CSMD1: variants seen among roughly 807,000 people sequenced by gnomAD.
CSMD1 encodes the protein CUB and sushi domain-containing protein 1.
A neutral mutation model predicts 417.5 loss-of-function variants in CSMD1; 213 were observed. That is an observed-to-expected ratio of 0.51 (90% CI 0.46 to 0.57). The LOEUF (loss-of-function observed/expected upper bound fraction) is 0.57, where lower values mean the gene tolerates loss of function less well. Ranked by LOEUF, CSMD1 falls within the 20% of genes least tolerant of loss-of-function variation. The pLI, the probability that CSMD1 is intolerant of heterozygous loss-of-function variation, is 0.00. For missense variants in CSMD1, 6,923 were observed against 4,529.7 expected, an observed-to-expected ratio of 1.53 and a Z score of -15.17; for synonymous variants, 2,862 against 1,736.8, an observed-to-expected ratio of 1.65 and a Z score of -16.11.
intron 3 of CSMD1, among the ~76,000 whole-genome samples, chr8:4,304,602 T>C (rs977365): frequency 0.76 from 115,495 of 151,966 alleles, 43,981 homozygotes; most frequent in East Asian, 0.85. Context: ...TCCTCTTTAA[T>C]ATTTCCTCAT....
intron 7 of CSMD1, among the ~76,000 whole-genome samples, chr8:3,663,041 G>T (rs76689476): frequency 0.016 from 2,463 of 152,192 alleles, 33 homozygotes; most frequent in Non-Finnish European, 0.026. Context: ...CATTTGTCTG[G>T]CAGTGGGAAT....
intron 30 of CSMD1, among the ~76,000 whole-genome samples, chr8:3,207,558 G>C (rs1254170661): frequency 6.6e-6 from 1 of 152,124 alleles, no homozygotes; most frequent in Non-Finnish European, 1.5e-5. Context: ...CATTTTCCAT[G>C]ATGAATTAAG....
At chr8:4,181,861 T>C (rs751670327) in intron 3 of CSMD1, among the ~76,000 whole-genome samples, 1 of 152,180 alleles carries the variant, frequency 6.6e-6, no homozygotes, top group Non-Finnish European at 1.5e-5. Context: ...AATTCTCCTT[T>C]AGCCTAGTTG....
intron 3 of CSMD1, among the ~76,000 whole-genome samples, chr8:4,056,870 AT>A (rs759169614): frequency 1.7e-4 from 26 of 152,158 alleles, no homozygotes; most frequent in Non-Finnish European, 3.1e-4. Context: ...TGAAGTCATC[AT>A]TTTTTATGGC....
chr8:4,178,517 G>A (rs1300327172), intron 3 of CSMD1, among the ~76,000 whole-genome samples: 9 of 150,756 alleles, frequency 6.0e-5, no homozygotes, highest in Admixed American at 1.3e-4. Context: ...TTGAAAACTG[G>A]CACAAGACAG....
chr8:3,648,415 G>A (rs964216424), intron 7 of CSMD1, among the ~76,000 whole-genome samples: 2 of 152,152 alleles, frequency 1.3e-5, no homozygotes, highest in Non-Finnish European at 2.9e-5. Flanking sequence ...CTGCACTAAT[G>A]ATGCAACTCA....
chr8:4,092,522 A>C (rs1188408036), intron 3 of CSMD1, among the ~76,000 whole-genome samples: 1 of 152,244 alleles, frequency 6.6e-6, no homozygotes, highest in African/African-American at 2.4e-5. Flanking sequence ...TATTTAAAAA[A>C]AGAATAGAAG....
chr8:3,698,646 G>C (rs1019265039), intron 7 of CSMD1, among the ~76,000 whole-genome samples: 2 of 152,158 alleles, frequency 1.3e-5, no homozygotes, highest in East Asian at 1.9e-4. Flanking sequence ...CTGATGATGA[G>C]AGGCATTTCT....
intron 20 of CSMD1, among the ~76,000 whole-genome samples, chr8:3,359,853 T>A (rs1321502081): frequency 2.6e-5 from 4 of 152,182 alleles, no homozygotes; most frequent in Non-Finnish European, 5.9e-5. Context: ...AAATATCACA[T>A]GCACCCCATA....
intron 3 of CSMD1, among the ~76,000 whole-genome samples, chr8:4,133,940 C>A (rs1166954066): frequency 6.6e-6 from 1 of 152,088 alleles, no homozygotes; most frequent in East Asian, 1.9e-4. Context: ...TTGATGTTTT[C>A]TTTTTCAGGT....
intron 5 of CSMD1, among the ~76,000 whole-genome samples, chr8:3,944,383 C>G (rs1161133568): frequency 6.6e-6 from 1 of 152,100 alleles, no homozygotes; most frequent in African/African-American, 2.4e-5. Context: ...CTCTCTACGA[C>G]TGAATATTGA....
chr8:4,442,252 C>T (rs1466058484), intron 2 of CSMD1, among the ~76,000 whole-genome samples: 1 of 152,080 alleles, frequency 6.6e-6, no homozygotes, highest in Non-Finnish European at 1.5e-5. Context: ...GTTTATTAAT[C>T]TTTAAAATTT....
At chr8:4,966,498 C>T (rs985591428) in intron 1 of CSMD1, among the ~76,000 whole-genome samples, 2 of 152,110 alleles carry the variant, frequency 1.3e-5, no homozygotes, top group South Asian at 4.1e-4. Flanking sequence ...CATCGCGAGG[C>T]CCTTAAGGGG....
intron 10 of CSMD1, among the ~76,000 whole-genome samples, chr8:3,523,068 G>T (rs1239192288): frequency 6.6e-6 from 1 of 150,402 alleles, no homozygotes; most frequent in South Asian, 2.1e-4. Flanking sequence ...GTTAAAAATT[G>T]AATTCAGGTC....
chr8:3,690,501 A>G (rs1368012365), intron 7 of CSMD1, among the ~76,000 whole-genome samples: 1 of 152,244 alleles, frequency 6.6e-6, no homozygotes, highest in East Asian at 1.9e-4. Context: ...TGTCTGTACT[A>G]ACTAGGGGAC....
intron 5 of CSMD1, among the ~76,000 whole-genome samples, chr8:3,920,971 C>A (rs754223847): frequency 6.6e-6 from 1 of 152,102 alleles, no homozygotes; most frequent in African/African-American, 2.4e-5. Context: ...CATGAGGGTA[C>A]TGCTGGCCTC....
chr8:4,450,430 A>C (rs990275857), intron 2 of CSMD1, among the ~76,000 whole-genome samples: 1 of 152,128 alleles, frequency 6.6e-6, no homozygotes, highest in East Asian at 1.9e-4. Flanking sequence ...AATGGAGACC[A>C]TCTTGGCCAA....
chr8:4,360,157 C>G lies in CSMD1; in HGVS notation c.415+59796G>C, dbSNP rs534476169. On this transcript the variant is annotated intron_variant, in intron 3 of 69. Coordinates refer to ENST00000635120, the MANE Select transcript of CSMD1 (RefSeq NM_033225.6). The stretch of plus-strand genomic sequence containing the variant: ...TGTGAGGATGATCTGAGAGGATGAA[C>G]TACACGTGAGAGTGACTGTCACCGA... Among the ~76,000 whole-genome samples the G allele has an allele frequency of 2.1e-3, 319 of 152,244 alleles. 2 individuals carry two copies. Among genetic ancestry groups the G allele is most frequent in the African/African-American group, 7.0e-3 (290 of 41,552 alleles).
Position 4,626,173 on chromosome 8 carries a change from G to C in CSMD1, c.302+11169C>G, listed in dbSNP as rs150722893. 2.3e-3 allele frequency among the ~76,000 whole-genome samples: 348 copies of C among 152,240 alleles called. 3 individuals carry two copies. Among genetic ancestry groups the C allele is most frequent in the Middle Eastern group, 0.014 (4 of 294 alleles). On this transcript the variant is annotated intron_variant, in intron 2 of 69. Coordinates refer to ENST00000635120, the MANE Select transcript of CSMD1 (RefSeq NM_033225.6). ...AAGCTATTTTAGGAAGTTTTCAGCA[G>C]GCCAAGGTTTTCTTTAGCTCAGTTT... is the stretch of plus-strand genomic sequence containing the variant.
Sources: gnomAD v4.1 joint callset for allele counts (sites outside exome capture counted in the v4.1 genomes callset) on GRCh38, gnomAD v4.1.1 for gene constraint, MANE v1.5 for transcripts, NCBI Gene and HGNC (gene_info 2026-07-23, HGNC 2026-07-21) for gene names.